The following KPNA1 variants were observed in gnomAD, a reference collection of about 807,000 sequenced individuals.
KPNA1 encodes the protein importin subunit alpha-5.
Under a neutral mutation model 70.5 loss-of-function variants are expected in KPNA1, and 10 were observed. The observed-to-expected ratio is 0.14, with a 90% CI of 0.09 to 0.24. The LOEUF (loss-of-function observed/expected upper bound fraction) is 0.24, where lower values mean the gene tolerates loss of function less well. Among genes scored for constraint, KPNA1 ranks in the 10% least tolerant of loss-of-function variants. The pLI is 1.00. For synonymous variants in KPNA1, 192 were observed against 221.9 expected (o/e 0.87, Z 1.20); for missense variants, 397 against 637.9 (o/e 0.62, Z 4.07).
intron 2 of KPNA1, among the ~76,000 whole-genome samples, chr3:122,493,829 C>T (rs1354127061): frequency 1.3e-5 from 2 of 152,178 alleles, no homozygotes; most frequent in African/African-American, 2.4e-5. Context: ...AGGTGATCTG[C>T]CCACCCCGGC....
At chr3:122,473,990 A>C (rs2076471094) in intron 2 of KPNA1, among the ~76,000 whole-genome samples, 1 of 152,210 alleles carries the variant, frequency 6.6e-6, no homozygotes, top group African/African-American at 2.4e-5. Context: ...TGGAACTAAT[A>C]AGCAATTATA....
intron 2 of KPNA1, among the ~76,000 whole-genome samples, chr3:122,471,422 A>G (rs985255607): frequency 6.6e-6 from 1 of 152,240 alleles, no homozygotes; most frequent in African/African-American, 2.4e-5. Flanking sequence ...ACTAAAAGAG[A>G]CTGTCGAAGT....
chr3:122,467,186 T>G, intron 3 of KPNA1, 136 bp downstream of exon 3: 283 of 442,898 alleles, frequency 6.4e-4, no homozygotes, highest in Middle Eastern at 1.7e-3. Context: ...TAATGAACCA[T>G]GAGATTAAGC....
chr3:122,466,447 T>C (rs532252373), intron 3 of KPNA1, among the ~76,000 whole-genome samples: 1 of 151,878 alleles, frequency 6.6e-6, no homozygotes, highest in Admixed American at 6.6e-5. Flanking sequence ...ATTTTCTTTT[T>C]AAAAAAACTG....
At chr3:122,494,051 T>C (rs960994216) in intron 2 of KPNA1, among the ~76,000 whole-genome samples, 1 of 152,166 alleles carries the variant, frequency 6.6e-6, no homozygotes, top group Non-Finnish European at 1.5e-5. Context: ...TTCTGAACAT[T>C]AGAACTTTGT....
intron 11 of KPNA1, among the ~76,000 whole-genome samples, chr3:122,436,838 C>T (rs1409355487): frequency 6.6e-6 from 1 of 152,192 alleles, no homozygotes; most frequent in Non-Finnish European, 1.5e-5. Flanking sequence ...AGTACAGTGG[C>T]ACAATCTCGG....
chr3:122,436,121 C>CT (rs2075983102), intron 11 of KPNA1, among the ~76,000 whole-genome samples: 1 of 152,172 alleles, frequency 6.6e-6, no homozygotes, highest in African/African-American at 2.4e-5. Context: ...CTGGGACTGT[C>CT]TGTCTTATAT....
chr3:122,457,972 T>C, intron 5 of KPNA1: 1 of 816,168 alleles, frequency 1.2e-6, no homozygotes, highest in South Asian at 1.8e-5. Flanking sequence ...TCAATGAAGA[T>C]GGGAAAAGAC....
intron 1 of KPNA1, among the ~76,000 whole-genome samples, chr3:122,497,369 AT>A (rs2076776402): frequency 6.6e-6 from 1 of 152,226 alleles, no homozygotes; most frequent in Admixed American, 6.5e-5. Context: ...CCTTTCAGCT[AT>A]TATGAATAAC....
chr3:122,475,992 T>C (rs987510331), intron 2 of KPNA1, among the ~76,000 whole-genome samples: 1 of 152,150 alleles, frequency 6.6e-6, no homozygotes, highest in Non-Finnish European at 1.5e-5. Flanking sequence ...AAAATCTGCA[T>C]ATAAGTGGAC....
intron 2 of KPNA1, among the ~76,000 whole-genome samples, chr3:122,486,479 C>T (rs2076630215): frequency 6.6e-6 from 1 of 152,136 alleles, no homozygotes; most frequent in Non-Finnish European, 1.5e-5. Context: ...ACTAGGAAAC[C>T]TCTGGGTGAG....
chr3:122,459,705 A>C (rs1216921033), intron 5 of KPNA1: 3 of 985,402 alleles, frequency 3.0e-6, no homozygotes, highest in Admixed American at 6.1e-5. Context: ...ACCTTAATTC[A>C]AATGAGCATG....
chr3:122,481,166 G>A (rs147279536), intron 2 of KPNA1, among the ~76,000 whole-genome samples: 20 of 152,262 alleles, frequency 1.3e-4, no homozygotes, highest in African/African-American at 4.3e-4. Flanking sequence ...ACTAAGTGCC[G>A]TACTTAGCAT....
chr3:122,479,226 C>T (rs1187702493), intron 2 of KPNA1, among the ~76,000 whole-genome samples: 2 of 152,102 alleles, frequency 1.3e-5, no homozygotes, highest in African/African-American at 4.8e-5. Context: ...AGACACTTCA[C>T]TAAAGAAGAT....
At chr3:122,496,368 A>C (rs894658580) in intron 2 of KPNA1, 69 bp downstream of exon 2, 46 of 1,307,860 alleles carry the variant, frequency 3.5e-5, no homozygotes, top group Non-Finnish European at 4.5e-5. Flanking sequence ...TGCTAAAATG[A>C]AGATAGTTTC....
At position 122,502,504 on chromosome 3, in the gene KPNA1, C is replaced by T. The variant is rs538274222; in HGVS notation, c.-5-5934G>A. ...AAAGAGTGCCCAGAAATCAACTCTGCTGGCACCTTGATCTGGAATTCTAGC... is the reference window on the plus strand; with the variant it reads ...AAAGAGTGCCCAGAAATCAACTCTGTTGGCACCTTGATCTGGAATTCTAGC... On this transcript the variant is annotated intron_variant, in intron 1 of 13. Coordinates refer to ENST00000344337, the MANE Select transcript of KPNA1 (RefSeq NM_002264.4). 3.3e-5 allele frequency among the ~76,000 whole-genome samples: 5 copies of T among 152,332 alleles called. No homozygotes were observed. The South Asian group carries it at 1.0e-3, about 32-fold the overall frequency.
chr3:122,442,212 A>C, intron 9 of KPNA1, 96 bp from the exon 10 acceptor site: 1 of 924,136 alleles, frequency 1.1e-6, no homozygotes, highest in African/African-American at 1.6e-5. Flanking sequence ...ATTGTGATAG[A>C]ATTTTAGAGC....
In KPNA1 at chr3:122,424,490, GAAA is replaced by G. The variant is rs538135958; in HGVS notation, c.*2492_*2494del. 1 of 150,852 alleles carries G rather than the reference GAAA, an allele frequency of 6.6e-6. No individual in the cohort carries two copies. Among genetic ancestry groups the G allele is most frequent in the Non-Finnish European group, 1.5e-5 (1 of 67,540 alleles). The allele number at this position is 150,852 out of a possible 1,614,324, so 9.3% of individuals were successfully genotyped here. A position where few individuals can be genotyped will look rare whatever the true frequency, so the allele number is the denominator to read the frequency against. Reference sequence around the variant, plus strand: ...AAAAAATCATTTTATTGTTAAAAAAGAAAAAAAAACTTAGATCTTATAGTTCAT... The same window carrying G: ...AAAAAATCATTTTATTGTTAAAAAAGAAAAAACTTAGATCTTATAGTTCAT... On this transcript the variant is annotated 3_prime_UTR_variant, in exon 14 of 14. Coordinates refer to ENST00000344337, the MANE Select transcript of KPNA1 (RefSeq NM_002264.4).
intron 2 of KPNA1, among the ~76,000 whole-genome samples, chr3:122,474,120 G>C (rs1203236827): frequency 6.6e-6 from 1 of 152,056 alleles, no homozygotes; most frequent in African/African-American, 2.4e-5. Context: ...CCAAAAAACA[G>C]AATACTTAGG....
Sources: allele counts gnomAD v4.1 joint callset (sites outside exome capture counted in the v4.1 genomes callset), GRCh38; gene constraint gnomAD v4.1.1; transcripts MANE v1.5; gene names NCBI Gene and HGNC (gene_info 2026-07-23, HGNC 2026-07-21).